Variants in TMEM14B observed in about 807,000 individuals in gnomAD.
TMEM14B encodes transmembrane protein 14B.
In TMEM14B, 9 loss-of-function variants were observed where a neutral mutation model predicts 14.8. The observed-to-expected ratio is 0.61, with a 90% CI of 0.37 to 1.06. The LOEUF (loss-of-function observed/expected upper bound fraction) is 1.06, where lower values mean the gene tolerates loss of function less well. Among genes scored for constraint, TMEM14B ranks in the 50% least tolerant of loss-of-function variants. TMEM14B has a pLI of 0.01. For synonymous variants in TMEM14B, 40 were observed against 51.3 expected (o/e 0.78, Z 0.94); for missense variants, 128 against 143.6 (o/e 0.89, Z 0.56).
At chr6:10,752,707 C>G (rs1581613391) in intron 4 of TMEM14B, 3 of 152,264 alleles carry the variant, frequency 2.0e-5, no homozygotes, top group East Asian at 1.9e-4. Flanking sequence ...ATCTGCCCAC[C>G]TTGGACTCCC....
intron 3 of TMEM14B, 24 bp downstream of exon 3, chr6:10,749,722 C>T: frequency 6.2e-7 from 1 of 1,612,496 alleles, no homozygotes; most frequent in Non-Finnish European, 8.5e-7. Flanking sequence ...GTTACTTAGC[C>T]TCTTAACATC....
At chr6:10,749,908 T>C in intron 3 of TMEM14B, 1 of 628,860 alleles carries the variant, frequency 1.6e-6, no homozygotes, top group East Asian at 2.7e-5. Context: ...TGGAATTACT[T>C]ATTTTTGCCT....
chr6:10,755,818 G>A (rs115451155), intron 5 of TMEM14B: 39 of 274,508 alleles, frequency 1.4e-4, no homozygotes, highest in Non-Finnish European at 1.9e-4. Context: ...GGTGGGTGCG[G>A]TGGTGCACGC....
intron 3 of TMEM14B, 183 bp downstream of exon 3, chr6:10,749,881 C>T: frequency 2.8e-6 from 2 of 702,802 alleles, no homozygotes; most frequent in Non-Finnish European, 5.0e-6. Context: ...TCTGGTGAAG[C>T]TGAGCCAGGC....
chr6:10,755,337 G>C (rs1487624785), intron 5 of TMEM14B, 105 bp downstream of exon 5: 1 of 1,578,320 alleles, frequency 6.3e-7, no homozygotes, highest in African/African-American at 1.3e-5. Context: ...CTGATGCTAT[G>C]CATCAACTGA....
At chr6:10,754,687 A>G (rs1771738435) in intron 4 of TMEM14B, among the ~76,000 whole-genome samples, 1 of 152,210 alleles carries the variant, frequency 6.6e-6, no homozygotes, top group African/African-American at 2.4e-5. Flanking sequence ...AGCATTGTAA[A>G]AGGGCAAAGA....
At chr6:10,755,013 C>G (rs1200074025) in intron 4 of TMEM14B, 129 bp from the exon 5 acceptor site, 1 of 988,616 alleles carries the variant, frequency 1.0e-6, no homozygotes, top group Non-Finnish European at 1.5e-6. Flanking sequence ...GTAATCTCCC[C>G]TACTTGGGGA....
intron 4 of TMEM14B, among the ~76,000 whole-genome samples, chr6:10,752,452 CTTTTT>C (rs60849022): frequency 8.9e-6 from 1 of 112,508 alleles, no homozygotes; most frequent in Non-Finnish European, 1.7e-5. Context: ...CATAAACTAC[CTTTTT>C]TTTTTTTTTT....
At chr6:10,750,010 T>C (rs1771485351) in intron 3 of TMEM14B, 1 of 424,606 alleles carries the variant, frequency 2.4e-6, no homozygotes, top group Non-Finnish European at 4.4e-6. Flanking sequence ...ATCTCTGGGC[T>C]TAAGTAGGAG....
downstream of TMEM14B, chr6:10,759,409 G>A (rs2127497818): frequency 6.6e-6 from 1 of 152,136 alleles, no homozygotes; most frequent in East Asian, 1.9e-4. Context: ...ACAAAGGATG[G>A]TGTACCAAGA....
intron 5 of TMEM14B, chr6:10,755,576 G>T: frequency 7.9e-7 from 1 of 1,264,888 alleles, no homozygotes; most frequent in Non-Finnish European, 9.9e-7. Flanking sequence ...GTCTTTTGTA[G>T]AAAATTTTGC....
intron 3 of TMEM14B, 86 bp downstream of exon 3, chr6:10,749,784 C>T (rs542033086): frequency 5.2e-6 from 8 of 1,526,612 alleles, no homozygotes; most frequent in East Asian, 2.3e-5. Context: ...GAAGCAATCT[C>T]GTTTGACTCA....
chr6:10,755,519 A>T, intron 5 of TMEM14B: 2 of 1,374,802 alleles, frequency 1.5e-6, no homozygotes, highest in Non-Finnish European at 1.9e-6. Context: ...CTTTTGTGTG[A>T]CTTGCGGAGG....
intron 4 of TMEM14B, among the ~76,000 whole-genome samples, chr6:10,753,968 T>C (rs1320636421): frequency 6.6e-6 from 1 of 152,146 alleles, no homozygotes; most frequent in Non-Finnish European, 1.5e-5. Context: ...ATAGCTAGAA[T>C]TACGCTTTCA....
At chr6:10,751,098 A>C in intron 3 of TMEM14B, 35 bp from the exon 4 acceptor site, 1 of 1,611,628 alleles carries the variant, frequency 6.2e-7, no homozygotes, top group Non-Finnish European at 8.5e-7. Flanking sequence ...TAAGTGCCTG[A>C]CATTACAATG....
At chr6:10,752,991 T>A (rs183477841) in intron 4 of TMEM14B, 1 of 152,212 alleles carries the variant, frequency 6.6e-6, no homozygotes, top group East Asian at 1.9e-4. Flanking sequence ...ATCCCAGCAC[T>A]TTGGGAGACC....
Position 10,749,988 on chromosome 6 carries a change from C to T in TMEM14B, c.100+290C>T, listed in dbSNP as rs1027922028. 6.6e-6 allele frequency: 3 copies of T among 452,730 alleles called. No individual in the cohort carries two copies. The Admixed American group carries it at 1.0e-4, about 16-fold the overall frequency. The allele number at this position is 452,730 out of a possible 1,614,324, so 28.0% of individuals were successfully genotyped here. A position where few individuals can be genotyped will look rare whatever the true frequency, so the allele number is the denominator to read the frequency against. On this transcript the variant is annotated intron_variant, in intron 3 of 5. Coordinates refer to ENST00000379542, the MANE Select transcript of TMEM14B (RefSeq NM_030969.5). ...ATTGACTGCCATTCATCAGCCATGA[C>T]CCCCAAGTGCCATCTCTGGGCTTAA...
intron 4 of TMEM14B, among the ~76,000 whole-genome samples, chr6:10,753,806 C>G (rs1387224648): frequency 6.6e-6 from 1 of 151,066 alleles, no homozygotes; most frequent in African/African-American, 2.5e-5. Context: ...GACACTACCT[C>G]TAGCCCTTAT....
chr6:10,755,824 C>A, intron 5 of TMEM14B: 1 of 250,576 alleles, frequency 4.0e-6, no homozygotes, highest in Non-Finnish European at 6.4e-6. Flanking sequence ...TGCGGTGGTG[C>A]ACGCCTGTAA....
Sources: allele counts gnomAD v4.1 joint callset (sites outside exome capture counted in the v4.1 genomes callset), GRCh38; gene constraint gnomAD v4.1.1; transcripts MANE v1.5; gene names NCBI Gene and HGNC (gene_info 2026-07-23, HGNC 2026-07-21).